The following FIBCD1 variants were observed in gnomAD, a reference collection of about 807,000 sequenced individuals.
FIBCD1 encodes fibrinogen C domain containing 1, also known as fibrinogen C domain-containing protein 1.
In FIBCD1, 47 loss-of-function variants were observed where a neutral mutation model predicts 45.1. The observed-to-expected ratio is 1.04, with a 90% CI of 0.82 to 1.33. FIBCD1 has a LOEUF of 1.33. Ranked by LOEUF, FIBCD1 falls within the 40% of genes most tolerant of loss-of-function variation. The probability of loss-of-function intolerance (pLI) is 0.00; values close to 1 mark genes in which losing one functional copy is unlikely to be tolerated. For synonymous variants in FIBCD1, 313 were observed against 308.1 expected, an observed-to-expected ratio of 1.02 and a Z score of -0.17; for missense variants, 653 against 682.2, an observed-to-expected ratio of 0.96 and a Z score of 0.48.
upstream of FIBCD1, among the ~76,000 whole-genome samples, chr9:130,940,225 G>A (rs1011505498): frequency 5.9e-5 from 9 of 152,234 alleles, no homozygotes; most frequent in African/African-American, 2.2e-4. Flanking sequence ...GCACTCCCTG[G>A]ACCCCGGAGC....
intron 1 of FIBCD1, among the ~76,000 whole-genome samples, chr9:130,930,455 C>CGGGGAGACGT (rs1409531703): frequency 6.6e-6 from 1 of 151,652 alleles, no homozygotes; most frequent in Non-Finnish European, 1.5e-5. Flanking sequence ...CGGGGAGACG[C>CGGGGAGACGT]AGGGAGACGC....
intron 5 of FIBCD1, among the ~76,000 whole-genome samples, chr9:130,908,794 G>A (rs1174348466): frequency 2.6e-5 from 4 of 152,070 alleles, no homozygotes; most frequent in Non-Finnish European, 4.4e-5. Context: ...CCCTGTTGTC[G>A]GCACCCCCTG....
intron 2 of FIBCD1, among the ~76,000 whole-genome samples, chr9:130,924,688 G>A (rs1030996559): frequency 3.9e-5 from 6 of 152,334 alleles, no homozygotes; most frequent in East Asian, 3.9e-4. Flanking sequence ...CCCAGGCTGC[G>A]TTCTTCGGCC....
intron 1 of FIBCD1, among the ~76,000 whole-genome samples, chr9:130,935,302 G>A (rs1278963276): frequency 3.3e-5 from 5 of 152,178 alleles, no homozygotes; most frequent in Admixed American, 6.5e-5. Flanking sequence ...CAGAGGAAAC[G>A]GTTGCAGAGT....
At chr9:130,938,474 C>T (rs985726123) in intron 1 of FIBCD1, 62 bp downstream of exon 1, 81 of 1,367,228 alleles carry the variant, frequency 5.9e-5, no homozygotes, top group Non-Finnish European at 7.7e-5. Context: ...CTCGCCCCGC[C>T]GGCCCGAGCG....
intron 2 of FIBCD1, among the ~76,000 whole-genome samples, chr9:130,925,874 G>A (rs971945067): frequency 6.6e-6 from 1 of 152,226 alleles, no homozygotes; most frequent in Non-Finnish European, 1.5e-5. Context: ...ATTCGTGGAA[G>A]GAAAATAGAA....
upstream of FIBCD1, among the ~76,000 whole-genome samples, chr9:130,939,615 G>A (rs1466762269): frequency 2.0e-5 from 3 of 151,954 alleles, no homozygotes; most frequent in East Asian, 5.8e-4. Context: ...CACAGCCGCC[G>A]GCGCTGTGGT....
chr9:130,936,662 C>T (rs1330158895), intron 1 of FIBCD1, among the ~76,000 whole-genome samples: 3 of 152,270 alleles, frequency 2.0e-5, no homozygotes, highest in African/African-American at 7.2e-5. Flanking sequence ...TGCTGGCCGT[C>T]TCCTGAGGCT....
intron 1 of FIBCD1, 77 bp from the exon 2 acceptor site, chr9:130,930,123 G>T: frequency 2.1e-6 from 3 of 1,442,924 alleles, no homozygotes; most frequent in Non-Finnish European, 1.8e-6. Flanking sequence ...AGGCATACCT[G>T]GGGTCAGAGG....
At chr9:130,907,792 G>C (rs1221701453) in intron 5 of FIBCD1, among the ~76,000 whole-genome samples, 1 of 151,612 alleles carries the variant, frequency 6.6e-6, no homozygotes, top group East Asian at 1.9e-4. Flanking sequence ...CCAGCTACTT[G>C]GGAGGCTGAG....
At chr9:130,919,518 G>T (rs1402536195) in intron 4 of FIBCD1, among the ~76,000 whole-genome samples, 1 of 152,204 alleles carries the variant, frequency 6.6e-6, no homozygotes, top group Non-Finnish European at 1.5e-5. Flanking sequence ...CACCTGGGGA[G>T]GCCCCAGGAG....
chr9:130,910,144 G>C (rs1296855431), intron 5 of FIBCD1, among the ~76,000 whole-genome samples: 1 of 152,250 alleles, frequency 6.6e-6, no homozygotes. Flanking sequence ...CGGGAACCGG[G>C]GCTGCGTGCG....
At position 130,929,918 on chromosome 9, in the gene FIBCD1, G is replaced by T; in HGVS notation, c.201C>A (p.Val67=). Reference sequence around the variant, plus strand: ...TGGCGCTGGCAGCCCCAGTGCTGACGACAGGTGGGGGCGCCGTGCCCGGCG... The same window carrying T: ...TGGCGCTGGCAGCCCCAGTGCTGACTACAGGTGGGGGCGCCGTGCCCGGCG... ...AHAPGTAPPP[V]VSTGAASANS... Residue 67 remains valine (V), a synonymous_variant, in exon 2 of 7, where the codon GTC becomes GTA. Coordinates refer to ENST00000372338, the MANE Select transcript of FIBCD1 (RefSeq NM_032843.5). 1 of 1,549,202 alleles carries T rather than the reference G, an allele frequency of 6.5e-7. No homozygotes were observed. Among genetic ancestry groups the T allele is most frequent in the Non-Finnish European group, 8.7e-7 (1 of 1,146,370 alleles).
intron 2 of FIBCD1, among the ~76,000 whole-genome samples, chr9:130,925,897 G>A (rs1187426254): frequency 3.3e-5 from 5 of 152,200 alleles, no homozygotes; most frequent in East Asian, 1.9e-4. Flanking sequence ...ATACAGTGCC[G>A]GCAGTTTACA....
In FIBCD1 at chr9:130,903,873, G is replaced by A. The variant is rs1181011079; in HGVS notation, c.*191C>T. 11 of 725,924 alleles carry A rather than the reference G, an allele frequency of 1.5e-5. No homozygotes were observed. The East Asian group carries it at 3.0e-4, about 20-fold the overall frequency. The allele number at this position is 725,924 out of a possible 1,614,324, so 45.0% of individuals were successfully genotyped here. A position where few individuals can be genotyped will look rare whatever the true frequency, so the allele number is the denominator to read the frequency against. On this transcript the variant is annotated 3_prime_UTR_variant, in exon 7 of 7. Transcript: ENST00000372338. ...ATCAGTGAGCTGCCAAATGGAGGGG[G>A]TGGGGACGGCGAGAAGGCGATGTGT...
chr9:130,922,581 G>A lies in FIBCD1; in HGVS notation c.849+1163C>T, dbSNP rs1028679874. Reference sequence around the variant, plus strand: ...CCCCGCCTCTCTGACATCTGCTGTCGGGGTCCCATCATAGACCTGTGGACT... The same window carrying A: ...CCCCGCCTCTCTGACATCTGCTGTCAGGGTCCCATCATAGACCTGTGGACT... On this transcript the variant is annotated intron_variant, in intron 4 of 6. Coordinates refer to ENST00000372338, the MANE Select transcript of FIBCD1 (RefSeq NM_032843.5). The surrounding 1 kb of genome is among the most constrained non-coding windows in gnomAD (Gnocchi z 4.5). Among the ~76,000 whole-genome samples, 4 of 152,106 alleles carry A rather than the reference G, an allele frequency of 2.6e-5. No homozygotes were observed. The highest frequency in any genetic ancestry group is 9.6e-5 in the African/African-American group (4 of 41,462).
intron 5 of FIBCD1, among the ~76,000 whole-genome samples, chr9:130,907,315 G>A (rs1325376950): frequency 1.3e-5 from 2 of 152,092 alleles, no homozygotes; most frequent in Admixed American, 1.3e-4. Flanking sequence ...TCCAGTCCAC[G>A]CCACCTCCTC....
intron 1 of FIBCD1, among the ~76,000 whole-genome samples, chr9:130,937,475 G>C (rs1832535990): frequency 6.6e-6 from 1 of 152,190 alleles, no homozygotes; most frequent in Non-Finnish European, 1.5e-5. Flanking sequence ...CAGAGGGCTG[G>C]GCCCTTGTGC....
intron 1 of FIBCD1, among the ~76,000 whole-genome samples, chr9:130,937,700 G>A (rs1475853068): frequency 6.6e-6 from 1 of 152,172 alleles, no homozygotes; most frequent in Admixed American, 6.5e-5. Flanking sequence ...TCGCCTGCCT[G>A]CCCCAGTCCC....
Sources: gnomAD v4.1 joint callset for allele counts (sites outside exome capture counted in the v4.1 genomes callset) on GRCh38, gnomAD v4.1.1 for gene constraint, Gnocchi (gnomAD v3.1) non-coding constraint, MANE v1.5 for transcripts, NCBI Gene and HGNC (gene_info 2026-07-23, HGNC 2026-07-21) for gene names.